Variants in ZBTB45 observed in about 807,000 individuals in gnomAD.
The protein encoded by ZBTB45 is zinc finger and BTB domain containing 45.
A neutral mutation model predicts 28.4 loss-of-function variants in ZBTB45; 22 were observed. The observed-to-expected ratio is 0.77, with a 90% CI of 0.55 to 1.10. ZBTB45 has a LOEUF of 1.10. Ranked by LOEUF, ZBTB45 falls within the 50% of genes least tolerant of loss-of-function variation. ZBTB45 has a pLI of 0.00. For missense variants in ZBTB45, 656 were observed against 750.2 expected, an observed-to-expected ratio of 0.87 and a Z score of 1.47; for synonymous variants, 361 against 332.3, an observed-to-expected ratio of 1.09 and a Z score of -0.94.
chr19:58,526,429 C>G (rs1163762669), intron 1 of ZBTB45, among the ~76,000 whole-genome samples: 1 of 151,668 alleles, frequency 6.6e-6, no homozygotes, highest in Non-Finnish European at 1.5e-5. Flanking sequence ...AGGCTAATCC[C>G]AAACTCCTGA....
chr19:58,529,100 A>AAAAAAAAAAAAAAAC (rs2053623085), intron 1 of ZBTB45, among the ~76,000 whole-genome samples: 1 of 151,410 alleles, frequency 6.6e-6, no homozygotes, highest in East Asian at 1.9e-4. Context: ...AAAAAAAAAA[A>AAAAAAAAAAAAAAAC]AGACATTGAT....
At position 58,514,217 on chromosome 19, in the gene ZBTB45, G is replaced by C. The variant is rs1242569409; in HGVS notation, c.1373C>G (p.Ala458Gly). 1.9e-6 allele frequency: 3 copies of C among 1,612,542 alleles called. No homozygotes were observed. The Admixed American group carries it at 5.0e-5, about 27-fold the overall frequency. Reference sequence around the variant, plus strand: ...CTTGGCGCAGACGGCGCACTGGAAGGCGCGCACGCCGGTGTGCGTGACCAT... The same window carrying C: ...CTTGGCGCAGACGGCGCACTGGAAGCCGCGCACGCCGGTGTGCGTGACCAT... ...KHMVTHTGVR[A>G]FQCAVCAKRF... is the part of the protein sequence containing the mutation. Residue 458 changes from alanine (A) to glycine (G), a missense_variant, in exon 3 of 3, where the codon GCC (alanine) becomes GGC (glycine). Coordinates refer to ENST00000594051, the MANE Select transcript of ZBTB45 (RefSeq NM_001316979.2).
chr19:58,529,313 T>A (rs1193130641), intron 1 of ZBTB45, among the ~76,000 whole-genome samples: 1 of 152,146 alleles, frequency 6.6e-6, no homozygotes, highest in Non-Finnish European at 1.5e-5. Flanking sequence ...TGATGGCGTG[T>A]ACCCGTAGTC....
intron 1 of ZBTB45, among the ~76,000 whole-genome samples, chr19:58,533,594 T>C (rs1292422677): frequency 1.3e-5 from 2 of 152,032 alleles, no homozygotes; most frequent in Non-Finnish European, 2.9e-5. Flanking sequence ...GGTAATATGC[T>C]ACAAAATCCA....
At chr19:58,525,669 C>G (rs1695281965) in intron 1 of ZBTB45, among the ~76,000 whole-genome samples, 1 of 152,180 alleles carries the variant, frequency 6.6e-6, no homozygotes, top group Non-Finnish European at 1.5e-5. Context: ...AGAAAAGTAA[C>G]AGCATCCATA....
rs770552432 is a variant in ZBTB45 at position 58,517,260 on chromosome 19, G to A, written c.414C>T (p.Thr138=). The A allele has an allele frequency of 5.1e-6, 8 of 1,582,712 alleles. No homozygotes were observed. The South Asian group carries it at 9.1e-5, about 18-fold the overall frequency. The change falls in exon 2 of 3, where the codon ACC becomes ACT. Residue 138 remains threonine (T), a synonymous_variant. Coordinates refer to ENST00000594051, the MANE Select transcript of ZBTB45 (RefSeq NM_001316979.2). The part of the protein sequence containing the change: ...PGTSAPTPLP[T]PVPPPLAPAQ... ...CAGGTGCGAGTGGCGGGGGCACAGG[G>A]GTGGGCAGGGGCGTGGGCGCAGAGG...
chr19:58,527,919 T>C (rs577470106), intron 1 of ZBTB45, among the ~76,000 whole-genome samples: 6 of 152,190 alleles, frequency 3.9e-5, no homozygotes, highest in African/African-American at 1.4e-4. Flanking sequence ...CTGGCCAACA[T>C]TGGCAAAACC....
rs1202164743 is a variant in ZBTB45, at chr19:58,516,551, C to T, written c.1123G>A (p.Gly375Arg). ...GCAGCAGAGGGAGCCGGGACCTCCC[C>T]CAGCTGAGTACTGGGGGCTGCCTCG... ...QPEAAPSTQL[G>R]EVPAPSAAPT... Residue 375 changes from glycine to arginine, a missense_variant, in exon 2 of 3, where the codon GGG (glycine) becomes AGG (arginine). Coordinates refer to ENST00000594051, the MANE Select transcript of ZBTB45 (RefSeq NM_001316979.2). This position sits in a 1 kb window ranked among gnomAD's most constrained non-coding sequence, Gnocchi z 6.2. 6.2e-7 allele frequency: 1 copy of T among 1,607,334 alleles called. No homozygotes were observed. Among genetic ancestry groups the T allele is most frequent in the Non-Finnish European group, 8.5e-7 (1 of 1,176,780 alleles).
chr19:58,521,963 TGTTGTAGATGTG>T (rs1266175793), upstream of ZBTB45, among the ~76,000 whole-genome samples: 1 of 151,962 alleles, frequency 6.6e-6, no homozygotes, highest in Non-Finnish European at 1.5e-5. Context: ...TGGGTGATTG[TGTTGTAGATGTG>T]GTATTTGGAG....
Position 58,516,823 on chromosome 19 carries a change from G to T in ZBTB45, c.851C>A (p.Pro284Gln), listed in dbSNP as rs375734074. The T allele has an allele frequency of 9.3e-6, 15 of 1,613,636 alleles. No individual in the cohort carries two copies. In the African/African-American group the frequency reaches 1.9e-4, roughly 20 times the overall value. The part of the protein sequence containing the change: ...RGAGSAEDVF[P>Q]DSYVSTWHDE... ...GTGCCAAGTGGATACATAGCTGTCT[G>T]GAAATACGTCCTCAGCTGACCCAGC... The change falls in exon 2 of 3, where the codon CCA becomes CAA. Residue 284 changes from proline to glutamine, a missense_variant. Pro to Gln is a moderately conservative substitution (Grantham distance 76). Around this residue, in one of 3 missense-constraint regions of ZBTB45, gnomAD observed 448 missense variants for 444.3 expected, o/e 1.01. Transcript: ENST00000594051. The surrounding 1 kb of genome is among the most constrained non-coding windows in gnomAD (Gnocchi z 6.2).
chr19:58,522,350 C>T (rs191894875), upstream of ZBTB45, among the ~76,000 whole-genome samples: 384 of 150,576 alleles, frequency 2.6e-3, 1 homozygote, highest in Middle Eastern at 0.017. Flanking sequence ...TTAGTAGAGA[C>T]GGTGTTTCAC....
Position 58,516,922 on chromosome 19 carries a change from C to T in ZBTB45, c.752G>A (p.Ser251Asn), listed in dbSNP as rs746453356. 4.3e-6 allele frequency: 7 copies of T among 1,613,180 alleles called. No homozygotes were observed. The Admixed American group carries it at 1.0e-4, about 23-fold the overall frequency. ...GGGTGCAGGGGGCTCCTCGCACGCG[C>T]TGTCAGCAGCAGCAGTGAGGAAGCC... ...AAGFLTAAADSACEEPPAPTG... is the reference protein window; with the variant it reads ...AAGFLTAAADNACEEPPAPTG... Residue 251 changes from serine (S) to asparagine (N), a missense_variant, in exon 2 of 3, where the codon AGC becomes AAC. Ser to Asn is a conservative substitution (Grantham distance 46). This residue lies in a region of ZBTB45 where 448 missense variants were observed against 444.3 expected (regional missense o/e 1.01). Transcript: ENST00000594051. The surrounding 1 kb of genome is among the most constrained non-coding windows in gnomAD (Gnocchi z 6.2).
chr19:58,522,386 T>G (rs2122579650), upstream of ZBTB45, among the ~76,000 whole-genome samples: 1 of 151,746 alleles, frequency 6.6e-6, no homozygotes, highest in East Asian at 2.0e-4. Context: ...GGTCTCAAAC[T>G]CCTGACCTCA....
In ZBTB45 at chr19:58,514,437, C is replaced by T. The variant is rs548648116; in HGVS notation, c.1280-127G>A. ...CCCCTCCCCTCCCGAACCACCACCC[C>T]GGGATCCCTTGCCTATCAGAGAACC... On this transcript the variant is annotated intron_variant, in intron 2 of 2. Transcript: ENST00000594051. The T allele has an allele frequency of 3.9e-4, 481 of 1,237,648 alleles. 1 individual carries two copies. The highest frequency in any genetic ancestry group is 2.5e-3 in the South Asian group (163 of 65,990). The allele number at this position is 1,237,648 out of a possible 1,614,324, so 76.7% of individuals were successfully genotyped here.
intron 1 of ZBTB45, among the ~76,000 whole-genome samples, chr19:58,532,808 A>G (rs1416042943): frequency 6.6e-6 from 1 of 151,872 alleles, no homozygotes; most frequent in African/African-American, 2.4e-5. Flanking sequence ...CGGCCTCCCA[A>G]AGTGTTGGGA....
rs770353246 is a variant in ZBTB45 at position 58,514,096 on chromosome 19, G to C, written c.1494C>G (p.Arg498=). 1 of 1,581,174 alleles carries C rather than the reference G, an allele frequency of 6.3e-7. No individual in the cohort carries two copies. The highest frequency in any genetic ancestry group is 1.1e-5 in the South Asian group (1 of 88,444). The change falls in exon 3 of 3, where the codon CGC becomes CGG. Residue 498 remains arginine (R), a synonymous_variant. Transcript: ENST00000594051. The stretch of plus-strand genomic sequence containing the variant: ...CCGCCAGGTGGCGCTCCAGCAGCGC[G>C]CGGTGCGAGAAGACCTTGCCGCAGG... ...CPACGKVFSH[R]ALLERHLAAH...
At chr19:58,535,921 G>C (rs1363312723) in intron 1 of ZBTB45, among the ~76,000 whole-genome samples, 1 of 152,102 alleles carries the variant, frequency 6.6e-6, no homozygotes, top group East Asian at 1.9e-4. Flanking sequence ...GGGAAGAAGA[G>C]AGCCAAGAAG....
chr19:58,523,532 C>T (rs566328088), upstream of ZBTB45, among the ~76,000 whole-genome samples: 79 of 151,994 alleles, frequency 5.2e-4, no homozygotes, highest in Non-Finnish European at 7.1e-4. Context: ...GGCATGGTGG[C>T]GGGCACCTGT....
At position 58,513,960 on chromosome 19, in the gene ZBTB45, G is replaced by T; in HGVS notation, c.*94C>A. The T allele has an allele frequency of 7.5e-7, 1 of 1,324,936 alleles. No individual in the cohort carries two copies. Among genetic ancestry groups the T allele is most frequent in the South Asian group, 1.8e-5 (1 of 54,128 alleles). The allele number at this position is 1,324,936 out of a possible 1,614,324, so 82.1% of individuals were successfully genotyped here. A position where few individuals can be genotyped will look rare whatever the true frequency, so the allele number is the denominator to read the frequency against. The stretch of plus-strand genomic sequence containing the variant: ...GGACCTGCGCTCAGGAGGGAGCGTG[G>T]TCTAGTGGCGGGAACCACGGGTCCC... On this transcript the variant is annotated 3_prime_UTR_variant, in exon 3 of 3. Coordinates refer to ENST00000594051, the MANE Select transcript of ZBTB45 (RefSeq NM_001316979.2).
Sources: allele counts gnomAD v4.1 joint callset (sites outside exome capture counted in the v4.1 genomes callset), GRCh38; gene constraint gnomAD v4.1.1; regional missense constraint gnomAD v4.1.1; non-coding constraint Gnocchi (gnomAD v3.1); transcripts MANE v1.5; gene names NCBI Gene and HGNC (gene_info 2026-07-23, HGNC 2026-07-21).